The following JMJD1C variants were observed in gnomAD, a reference collection of about 807,000 sequenced individuals.
The protein encoded by JMJD1C is jumonji domain-containing protein 1C.
Under a neutral mutation model 245.3 loss-of-function variants are expected in JMJD1C, and 31 were observed. The observed-to-expected ratio is 0.13, with a 90% CI of 0.09 to 0.17. JMJD1C has a LOEUF of 0.17. Among genes scored for constraint, JMJD1C ranks in the 10% least tolerant of loss-of-function variants. The probability of loss-of-function intolerance (pLI) is 1.00; values close to 1 mark genes in which losing one functional copy is unlikely to be tolerated. For missense variants in JMJD1C, 2,691 were observed against 3,000.2 expected, an observed-to-expected ratio of 0.90 and a Z score of 2.41; for synonymous variants, 1,057 against 1,017.4, an observed-to-expected ratio of 1.04 and a Z score of -0.74.
intron 2 of JMJD1C, among the ~76,000 whole-genome samples, chr10:63,306,725 T>A (rs994670079): frequency 2.6e-5 from 4 of 152,222 alleles, no homozygotes; most frequent in Non-Finnish European, 5.9e-5. Context: ...AAATGTTACA[T>A]ATCAATAACC....
At chr10:63,363,252 C>CT (rs71463517) in intron 2 of JMJD1C, among the ~76,000 whole-genome samples, 16,484 of 99,784 alleles carry the variant, frequency 0.17, 1,859 homozygotes, top group Non-Finnish European at 0.24. Context: ...TCATACAATT[C>CT]TTTTTTTTTT....
intron 19 of JMJD1C, 61 bp downstream of exon 19, chr10:63,186,154 T>C: frequency 7.9e-7 from 1 of 1,273,132 alleles, no homozygotes; most frequent in South Asian, 1.3e-5. Flanking sequence ...TAAGTTACAT[T>C]TGGAATTTAT....
At chr10:63,178,725 G>A (rs1843100805) in intron 22 of JMJD1C, among the ~76,000 whole-genome samples, 1 of 152,128 alleles carries the variant, frequency 6.6e-6, no homozygotes. Context: ...GGAAAATCAA[G>A]CCATCCTTCT....
chr10:63,416,831 C>G (rs1481260364), intron 1 of JMJD1C, among the ~76,000 whole-genome samples: 2 of 152,090 alleles, frequency 1.3e-5, no homozygotes, highest in Non-Finnish European at 2.9e-5. Flanking sequence ...AATATGTATA[C>G]AAAACTCTAA....
chr10:63,211,814 ACT>A (rs1227529648), intron 8 of JMJD1C, among the ~76,000 whole-genome samples: 2 of 125,950 alleles, frequency 1.6e-5, no homozygotes, highest in East Asian at 4.9e-4. Flanking sequence ...ACAGAGCAAG[ACT>A]CTGTCTCAAA....
At chr10:63,209,828 T>C (rs1444626771) in intron 8 of JMJD1C, among the ~76,000 whole-genome samples, 1 of 152,202 alleles carries the variant, frequency 6.6e-6, no homozygotes, top group Non-Finnish European at 1.5e-5. Context: ...TATACATCAA[T>C]ATGCTGCCTG....
chr10:63,196,884 T>C (rs953721386), intron 13 of JMJD1C, among the ~76,000 whole-genome samples: 2 of 152,034 alleles, frequency 1.3e-5, no homozygotes, highest in Admixed American at 6.6e-5. Flanking sequence ...GCAGCCTCCA[T>C]CTCCTGGGTT....
chr10:63,170,922 A>G (rs1842289344), intron 24 of JMJD1C, among the ~76,000 whole-genome samples: 1 of 152,198 alleles, frequency 6.6e-6, no homozygotes, highest in Admixed American at 6.5e-5. Flanking sequence ...TAAAAGCATC[A>G]GTTATAATTA....
intron 2 of JMJD1C, among the ~76,000 whole-genome samples, chr10:63,358,188 A>G (rs1197804696): frequency 6.6e-6 from 1 of 152,224 alleles, no homozygotes. Context: ...ATTCCAAACT[A>G]TCATCTATTT....
At chr10:63,240,016 C>G (rs935475717) in intron 3 of JMJD1C, among the ~76,000 whole-genome samples, 1 of 152,160 alleles carries the variant, frequency 6.6e-6, no homozygotes, top group Non-Finnish European at 1.5e-5. Context: ...GTATATCACA[C>G]TATATAAGTT....
intron 2 of JMJD1C, among the ~76,000 whole-genome samples, chr10:63,375,781 C>A (rs1239921284): frequency 6.6e-6 from 1 of 151,960 alleles, no homozygotes; most frequent in Non-Finnish European, 1.5e-5. Flanking sequence ...TGTTGAGCTC[C>A]TGGCCTCAAG....
intron 3 of JMJD1C, among the ~76,000 whole-genome samples, chr10:63,255,662 C>G (rs1024964997): frequency 6.6e-6 from 1 of 152,030 alleles, no homozygotes; most frequent in Non-Finnish European, 1.5e-5. Context: ...GCTTCCTTCT[C>G]ATCTGTAAGT....
chr10:63,232,105 T>G (rs1299361992), intron 3 of JMJD1C, among the ~76,000 whole-genome samples: 3 of 152,168 alleles, frequency 2.0e-5, no homozygotes, highest in Non-Finnish European at 4.4e-5. Context: ...CCCAAAGTGT[T>G]GGAATTACAG....
chr10:63,314,628 T>TG (rs747584779), intron 2 of JMJD1C, among the ~76,000 whole-genome samples: 12 of 152,136 alleles, frequency 7.9e-5, no homozygotes, highest in Middle Eastern at 3.4e-3. Context: ...TTCAAAGTTT[T>TG]GTTTTTTTTT....
chr10:63,211,416 A>C (rs1847308802), intron 8 of JMJD1C, among the ~76,000 whole-genome samples: 1 of 151,586 alleles, frequency 6.6e-6, no homozygotes, highest in African/African-American at 2.4e-5. Flanking sequence ...CAGTGAGCCA[A>C]GACTGTATCA....
At chr10:63,477,850 C>A (rs944431387) in intron 1 of JMJD1C, among the ~76,000 whole-genome samples, 6 of 151,938 alleles carry the variant, frequency 3.9e-5, no homozygotes, top group Non-Finnish European at 7.4e-5. Context: ...GGATTAATAT[C>A]TAGAATATTT....
chr10:63,276,320 G>C (rs1856763930), intron 2 of JMJD1C, among the ~76,000 whole-genome samples: 1 of 152,114 alleles, frequency 6.6e-6, no homozygotes, highest in South Asian at 2.1e-4. Flanking sequence ...CAAAAAGTTA[G>C]CTGGGCGGGG....
At chr10:63,445,247 TAA>T (rs1411943595) in intron 1 of JMJD1C, among the ~76,000 whole-genome samples, 3 of 151,998 alleles carry the variant, frequency 2.0e-5, no homozygotes, top group Non-Finnish European at 4.4e-5. Flanking sequence ...AAAAAAGAAA[TAA>T]GAGACAAAGC....
At chr10:63,271,158 T>C (rs1257672011) in intron 2 of JMJD1C, among the ~76,000 whole-genome samples, 1 of 152,132 alleles carries the variant, frequency 6.6e-6, no homozygotes, top group Non-Finnish European at 1.5e-5. Flanking sequence ...AAAAGATGTA[T>C]GTAAATAGTC....
Sources: allele counts gnomAD v4.1 joint callset (sites outside exome capture counted in the v4.1 genomes callset), GRCh38; gene constraint gnomAD v4.1.1; transcripts MANE v1.5; gene names NCBI Gene and HGNC (gene_info 2026-07-23, HGNC 2026-07-21).